Variants in IFT43 observed in about 807,000 individuals in gnomAD.
IFT43 encodes intraflagellar transport 43, also known as intraflagellar transport protein 43 homolog.
IFT43 carries 33 observed loss-of-function variants against 32.3 expected under a neutral mutation model. The observed-to-expected ratio is 1.02, with a 90% CI of 0.77 to 1.37. The LOEUF (loss-of-function observed/expected upper bound fraction) is 1.37. Among genes scored for constraint, IFT43 ranks in the 40% most tolerant of loss-of-function variants. The pLI is 0.00. For missense variants in IFT43, 274 were observed against 265.9 expected (o/e 1.03, Z -0.21); for synonymous variants, 93 against 98.2 (o/e 0.95, Z 0.31).
rs148340077 is a variant in IFT43 at position 76,039,901 on chromosome 14, A to G, written c.215+17507A>G. Reference sequence around the variant, plus strand: ...ATATGCATTCTGCACTTTTAAAAAAATCTCTAACAATATTTCTTGCTGATC... The same window carrying G: ...ATATGCATTCTGCACTTTTAAAAAAGTCTCTAACAATATTTCTTGCTGATC... On this transcript the variant is annotated intron_variant, in intron 3 of 8. Coordinates refer to ENST00000314067, the MANE Select transcript of IFT43 (RefSeq NM_001102564.3). Among the ~76,000 whole-genome samples, 208 of 152,366 alleles carry G rather than the reference A, an allele frequency of 1.4e-3. 1 individual carries two copies. Among genetic ancestry groups the G allele is most frequent in the African/African-American group, 4.6e-3 (191 of 41,592 alleles).
chr14:76,065,997 CCAGGGTCTGAATATGGACCTTGACCT>C (rs1219559414), intron 5 of IFT43, among the ~76,000 whole-genome samples: 1 of 152,192 alleles, frequency 6.6e-6, no homozygotes, highest in Non-Finnish European at 1.5e-5. Context: ...AATGGTAGCA[CCAGGGTCTGAATATGGACCTTGACCT>C]CAGGGCCCTC....
At chr14:75,993,337 G>A (rs1263518735) in intron 2 of IFT43, among the ~76,000 whole-genome samples, 1 of 152,186 alleles carries the variant, frequency 6.6e-6, no homozygotes, top group Non-Finnish European at 1.5e-5. Context: ...AGAAGCCCTG[G>A]CACAGTGAGA....
chr14:76,058,588 G>A, intron 3 of IFT43, 54 bp from the exon 4 acceptor site: 1 of 1,606,930 alleles, frequency 6.2e-7, no homozygotes, highest in Non-Finnish European at 8.5e-7. Context: ...ATACTACCTG[G>A]TGCATGAGAC....
intron 7 of IFT43, 90 bp from the exon 8 acceptor site, chr14:76,083,137 C>A: frequency 7.0e-7 from 1 of 1,423,276 alleles, no homozygotes; most frequent in South Asian, 1.2e-5. Flanking sequence ...GAAGTTCTGA[C>A]ACACAAAAAC....
intron 5 of IFT43, among the ~76,000 whole-genome samples, chr14:76,081,111 A>C (rs2037502936): frequency 1.3e-5 from 2 of 152,232 alleles, no homozygotes; most frequent in South Asian, 2.1e-4. Flanking sequence ...CATAATAAAG[A>C]CACCAGGCTT....
intron 2 of IFT43, among the ~76,000 whole-genome samples, chr14:76,011,068 AATT>A (rs367828753): frequency 7.3e-5 from 11 of 151,180 alleles, no homozygotes; most frequent in African/African-American, 1.5e-4. Context: ...ACACCCAGCT[AATT>A]ATTATTATTA....
At chr14:76,045,840 T>C (rs780209449) in intron 3 of IFT43, among the ~76,000 whole-genome samples, 1 of 152,212 alleles carries the variant, frequency 6.6e-6, no homozygotes, top group Admixed American at 6.5e-5. Flanking sequence ...CCAGAGAGGC[T>C]AGGAAACAGA....
intron 2 of IFT43, among the ~76,000 whole-genome samples, chr14:75,996,938 T>A (rs150984765): frequency 6.6e-6 from 1 of 152,314 alleles, no homozygotes; most frequent in African/African-American, 2.4e-5. Flanking sequence ...CCAGACATGC[T>A]CCCTGCCTTC....
intron 2 of IFT43, among the ~76,000 whole-genome samples, chr14:75,993,199 G>A (rs141922861): frequency 1.3e-5 from 2 of 152,306 alleles, no homozygotes; most frequent in East Asian, 3.9e-4. Flanking sequence ...GTGGCCTTCA[G>A]GCTGAATTTG....
At chr14:76,018,436 A>T (rs2036229814) in intron 2 of IFT43, among the ~76,000 whole-genome samples, 1 of 152,078 alleles carries the variant, frequency 6.6e-6, no homozygotes, top group Non-Finnish European at 1.5e-5. Flanking sequence ...TTGGTTTTTA[A>T]AAATTTCTTG....
intron 5 of IFT43, among the ~76,000 whole-genome samples, chr14:76,061,538 A>C (rs968114490): frequency 6.6e-6 from 1 of 152,092 alleles, no homozygotes; most frequent in Non-Finnish European, 1.5e-5. Context: ...CAGTGCTTCA[A>C]CTTGGATCGT....
chr14:75,986,789 T>C (rs541500341), intron 1 of IFT43, among the ~76,000 whole-genome samples: 14 of 152,326 alleles, frequency 9.2e-5, no homozygotes, highest in Admixed American at 3.3e-4. Flanking sequence ...AGCAAGTCTT[T>C]AGTGTCTGCT....
chr14:76,005,933 A>T (rs2035971998), intron 2 of IFT43, among the ~76,000 whole-genome samples: 3 of 151,048 alleles, frequency 2.0e-5, no homozygotes, highest in Non-Finnish European at 4.4e-5. Flanking sequence ...TTATGTGCCA[A>T]TTGCTTTTGG....
At chr14:76,005,361 C>G (rs1262534204) in intron 2 of IFT43, among the ~76,000 whole-genome samples, 1 of 152,176 alleles carries the variant, frequency 6.6e-6, no homozygotes, top group Non-Finnish European at 1.5e-5. Flanking sequence ...GGTCTTTACT[C>G]CTCAGATGGC....
intron 2 of IFT43, among the ~76,000 whole-genome samples, chr14:76,012,381 A>G (rs140780670): frequency 1.3e-5 from 2 of 152,338 alleles, no homozygotes; most frequent in Non-Finnish European, 2.9e-5. Context: ...AATTCCAGTT[A>G]TTGAATCCTA....
At chr14:76,043,227 T>G (rs115927412) in intron 3 of IFT43, among the ~76,000 whole-genome samples, 1,634 of 152,338 alleles carry the variant, frequency 0.011, 26 homozygotes, top group African/African-American at 0.037. Context: ...TATATTACCT[T>G]GAAGCAAAAC....
At chr14:76,037,790 A>C (rs1304064063) in intron 3 of IFT43, among the ~76,000 whole-genome samples, 1 of 151,710 alleles carries the variant, frequency 6.6e-6, no homozygotes, top group Non-Finnish European at 1.5e-5. Context: ...ACTATGCAAG[A>C]GATATTTGTC....
At chr14:76,082,502 AT>A in intron 6 of IFT43, 114 bp from the exon 7 acceptor site, 1 of 1,349,564 alleles carries the variant, frequency 7.4e-7, no homozygotes, top group South Asian at 1.2e-5. Flanking sequence ...CCATTTTGTT[AT>A]TCCCATTCTG....
chr14:76,045,836 A>G (rs2140019374), intron 3 of IFT43, among the ~76,000 whole-genome samples: 1 of 152,298 alleles, frequency 6.6e-6, no homozygotes, highest in East Asian at 1.9e-4. Context: ...AGCCCCAGAG[A>G]GGCTAGGAAA....
Sources: allele counts gnomAD v4.1 joint callset (sites outside exome capture counted in the v4.1 genomes callset), GRCh38; gene constraint gnomAD v4.1.1; transcripts MANE v1.5; gene names NCBI Gene and HGNC (gene_info 2026-07-23, HGNC 2026-07-21).